Variants in PRPF3 observed in about 807,000 individuals in gnomAD.
PRPF3 encodes pre-mRNA processing factor 3.
Under a neutral mutation model 89.2 loss-of-function variants are expected in PRPF3, and 3 were observed. The observed-to-expected ratio is 0.03, with a 90% CI of 0.02 to 0.09. The LOEUF is 0.09. Ranked by LOEUF, PRPF3 falls within the 10% of genes least tolerant of loss-of-function variation. The probability of loss-of-function intolerance (pLI) is 1.00; values close to 1 mark genes in which losing one functional copy is unlikely to be tolerated. For synonymous variants in PRPF3, 270 were observed against 289.1 expected (o/e 0.93, Z 0.67); for missense variants, 463 against 828.8 (o/e 0.56, Z 5.42).
At position 150,344,144 on chromosome 1, in the gene PRPF3, G is replaced by T. The variant is rs782016725; in HGVS notation, c.1427-18G>T. The T allele has an allele frequency of 1.4e-5, 22 of 1,604,406 alleles. No homozygotes were observed. The highest frequency in any genetic ancestry group is 1.8e-5 in the Non-Finnish European group (21 of 1,172,382). ...GAAGTGACTTCAAAGACTGATTGTTGTCCTCTCTTCACTGCAGTGAGAATT... is the reference window on the plus strand; with the variant it reads ...GAAGTGACTTCAAAGACTGATTGTTTTCCTCTCTTCACTGCAGTGAGAATT... On this transcript the variant is annotated intron_variant, in intron 10 of 15. Transcript: ENST00000324862.
intron 8 of PRPF3, 131 bp from the exon 9 acceptor site, chr1:150,340,267 A>G (rs1446328220): frequency 1.0e-5 from 7 of 694,256 alleles, no homozygotes; most frequent in African/African-American, 3.6e-5. Context: ...AGGTACCTAA[A>G]TGCTATTTTA....
intron 14 of PRPF3, 73 bp downstream of exon 14, chr1:150,346,564 T>G (rs1658289150): frequency 7.0e-7 from 1 of 1,429,454 alleles, no homozygotes; most frequent in Non-Finnish European, 9.9e-7. Flanking sequence ...CCGTTCATCT[T>G]ATTTCCTCCC....
chr1:150,335,292 C>T (rs782544195), intron 7 of PRPF3, 51 bp downstream of exon 7: 2 of 1,552,904 alleles, frequency 1.3e-6, no homozygotes, highest in South Asian at 1.1e-5. Flanking sequence ...AAGAAGCTGA[C>T]AAGAAAACAT....
intron 1 of PRPF3, among the ~76,000 whole-genome samples, chr1:150,323,437 C>G (rs1228562850): frequency 1.3e-5 from 2 of 151,704 alleles, no homozygotes; most frequent in Admixed American, 1.3e-4. Flanking sequence ...TGAGGTAAGG[C>G]ATTACCTGGC....
At chr1:150,345,754 A>G in intron 12 of PRPF3, 1 of 460,682 alleles carries the variant, frequency 2.2e-6, no homozygotes, top group South Asian at 2.1e-5. Flanking sequence ...GATGATAGTA[A>G]ATACCTCTCC....
intron 14 of PRPF3, among the ~76,000 whole-genome samples, chr1:150,347,232 A>G (rs1409337249): frequency 1.3e-5 from 2 of 149,228 alleles, no homozygotes; most frequent in Non-Finnish European, 3.0e-5. Flanking sequence ...TGATCAAACT[A>G]TTTCTTTTGT....
At chr1:150,328,757 T>G (rs978720163) in intron 4 of PRPF3, among the ~76,000 whole-genome samples, 1 of 151,856 alleles carries the variant, frequency 6.6e-6, no homozygotes, top group Non-Finnish European at 1.5e-5. Flanking sequence ...TTCACCATGT[T>G]GGCCAGGCTG....
intron 7 of PRPF3, among the ~76,000 whole-genome samples, chr1:150,336,760 A>AAT (rs1237896742): frequency 1.3e-5 from 2 of 150,958 alleles, no homozygotes; most frequent in African/African-American, 2.4e-5. Flanking sequence ...CGTCTCAAAA[A>AAT]ATATATATAT....
At chr1:150,344,353 C>G in intron 11 of PRPF3, 81 bp from the exon 12 acceptor site, 1 of 1,613,962 alleles carries the variant, frequency 6.2e-7, no homozygotes, top group Non-Finnish European at 8.5e-7. Context: ...GGAGAGTTCT[C>G]CGTTGCTCTC....
Position 150,328,470 on chromosome 1 carries a change from A to G in PRPF3, c.423+4A>G. 5 of 1,577,878 alleles carry G rather than the reference A, an allele frequency of 3.2e-6. No homozygotes were observed. Among genetic ancestry groups the G allele is most frequent in the Non-Finnish European group, 4.3e-6 (5 of 1,156,670 alleles). ...TGGCATGCTGACTAAGCTCCAGGTT[A>G]GTGATTAGGGACTGGAAGCAAAGTG... On this transcript the variant is annotated splice_donor_region_variant and intron_variant, in intron 4 of 15. Transcript: ENST00000324862.
rs1479395717 is a variant in PRPF3, at chr1:150,348,140, T to G, written c.1844-1017T>G. On this transcript the variant is annotated intron_variant, in intron 14 of 15. Coordinates refer to ENST00000324862, the MANE Select transcript of PRPF3 (RefSeq NM_004698.4). The stretch of plus-strand genomic sequence containing the variant: ...GCTTATGCCTGTAATCCCAGCACTT[T>G]GGGAGGCCGAGGCGGGTGGATCACC... 4.6e-5 allele frequency among the ~76,000 whole-genome samples: 7 copies of G among 151,986 alleles called. No homozygotes were observed. In the South Asian group the frequency reaches 1.0e-3, roughly 23 times the overall value.
At chr1:150,329,803 A>T (rs1264255682) in intron 4 of PRPF3, 3 of 152,290 alleles carry the variant, frequency 2.0e-5, no homozygotes, top group Middle Eastern at 3.4e-3. Context: ...TCTGTCACTC[A>T]GGCTGGAGCG....
intron 1 of PRPF3, among the ~76,000 whole-genome samples, chr1:150,323,922 G>A (rs1338705674): frequency 9.2e-5 from 14 of 151,586 alleles, no homozygotes; most frequent in African/African-American, 2.4e-4. Context: ...GATTACAGGC[G>A]CCTGCCACCA....
chr1:150,330,975 C>G (rs1435117517), intron 4 of PRPF3, among the ~76,000 whole-genome samples: 1 of 152,058 alleles, frequency 6.6e-6, no homozygotes, highest in Non-Finnish European at 1.5e-5. Context: ...GCTCGGCCTC[C>G]CAAAGTGCTG....
At chr1:150,331,317 G>A (rs587727430) in intron 4 of PRPF3, among the ~76,000 whole-genome samples, 40 of 152,172 alleles carry the variant, frequency 2.6e-4, no homozygotes, top group African/African-American at 7.9e-4. Flanking sequence ...GATTACAGGC[G>A]TGAGCCACCA....
intron 3 of PRPF3, 122 bp downstream of exon 3, chr1:150,326,003 C>A: frequency 8.0e-7 from 1 of 1,256,736 alleles, no homozygotes; most frequent in Non-Finnish European, 1.1e-6. Context: ...AAGAGAGGTA[C>A]TTAGACATTA....
At chr1:150,323,818 C>T (rs1235870212) in intron 1 of PRPF3, among the ~76,000 whole-genome samples, 5 of 133,072 alleles carry the variant, frequency 3.8e-5, no homozygotes, top group Admixed American at 8.3e-5. Flanking sequence ...ACTCTGTTGC[C>T]CAGGCTGGAG....
At chr1:150,328,288 T>C (rs1553864365) in intron 3 of PRPF3, 32 bp from the exon 4 acceptor site, 2 of 1,612,950 alleles carry the variant, frequency 1.2e-6, no homozygotes, top group African/African-American at 2.7e-5. Flanking sequence ...CGGGGAGGGA[T>C]ACAGCTTTTC....
chr1:150,326,550 GA>G (rs1337760497), intron 3 of PRPF3, among the ~76,000 whole-genome samples: 1 of 148,082 alleles, frequency 6.8e-6, no homozygotes, highest in Non-Finnish European at 1.5e-5. Context: ...CTCTTTAGGA[GA>G]AAAAAAAAAG....
Sources: gnomAD v4.1 joint callset for allele counts (sites outside exome capture counted in the v4.1 genomes callset) on GRCh38, gnomAD v4.1.1 for gene constraint, MANE v1.5 for transcripts, NCBI Gene and HGNC (gene_info 2026-07-23, HGNC 2026-07-21) for gene names.